TPTE2: variants seen among roughly 807,000 people sequenced by gnomAD.
TPTE2 encodes the protein phosphatidylinositol 3,4,5-trisphosphate 3-phosphatase TPTE2.
A neutral mutation model predicts 78.6 loss-of-function variants in TPTE2; 53 were observed. The observed-to-expected ratio is 0.67, with a 90% CI of 0.54 to 0.85. The LOEUF is 0.85. Among genes scored for constraint, TPTE2 ranks in the 40% least tolerant of loss-of-function variants. The probability of loss-of-function intolerance (pLI) is 0.00; values close to 1 mark genes in which losing one functional copy is unlikely to be tolerated. For synonymous variants in TPTE2, 175 were observed against 206.2 expected (o/e 0.85, Z 1.30); for missense variants, 461 against 623.0 (o/e 0.74, Z 2.77).
At chr13:19,558,376 T>C in the TPTE2 span, among the ~76,000 whole-genome samples, 1 of 152,214 alleles carries the variant, frequency 6.6e-6, no homozygotes, top group Non-Finnish European at 1.5e-5. Flanking sequence ...TATAAAGGCA[T>C]GAATTGTTTA....
At chr13:19,534,402 T>C (rs1871081574) in intron 1 of TPTE2, among the ~76,000 whole-genome samples, 1 of 152,184 alleles carries the variant, frequency 6.6e-6, no homozygotes, top group South Asian at 2.1e-4. Context: ...CTATGCCAGA[T>C]ACCATGCCTA....
chr13:19,448,629 T>C (rs374923321), intron 13 of TPTE2, among the ~76,000 whole-genome samples: 2 of 152,048 alleles, frequency 1.3e-5, no homozygotes, highest in East Asian at 3.9e-4. Flanking sequence ...TCCTCACACC[T>C]GTTAGGATGG....
intron 1 of TPTE2, among the ~76,000 whole-genome samples, chr13:19,534,415 G>A (rs1275380205): frequency 1.3e-5 from 2 of 152,088 alleles, no homozygotes; most frequent in African/African-American, 4.8e-5. Context: ...CATGCCTAAG[G>A]GTTTTCTAAC....
chr13:19,553,720 T>C, the TPTE2 span, among the ~76,000 whole-genome samples: 11 of 152,224 alleles, frequency 7.2e-5, no homozygotes, highest in Non-Finnish European at 1.3e-4. Context: ...GTGATTTCAG[T>C]TACGTACAAT....
intron 13 of TPTE2, among the ~76,000 whole-genome samples, chr13:19,442,840 A>G (rs1236231053): frequency 6.6e-6 from 1 of 152,146 alleles, no homozygotes; most frequent in African/African-American, 2.4e-5. Flanking sequence ...TAATCTACCA[A>G]AATGGGCAAA....
At chr13:19,464,416 T>C in intron 10 of TPTE2, 40 bp downstream of exon 13, 1 of 1,571,288 alleles carries the variant, frequency 6.4e-7, no homozygotes. Flanking sequence ...ACAGTCTACA[T>C]TCACTGAGAA....
the TPTE2 span, among the ~76,000 whole-genome samples, chr13:19,556,537 C>G: frequency 1.3e-5 from 2 of 152,012 alleles, no homozygotes; most frequent in South Asian, 2.1e-4. Flanking sequence ...ATTCTCCCCC[C>G]CACCTTTGAG....
At chr13:19,525,118 A>T (rs1487969444) in intron 1 of TPTE2, among the ~76,000 whole-genome samples, 1 of 152,172 alleles carries the variant, frequency 6.6e-6, no homozygotes, top group African/African-American at 2.4e-5. Flanking sequence ...AGCTTAGGTG[A>T]GAGATGTTGA....
At chr13:19,552,610 C>G in the TPTE2 span, 2 of 826,794 alleles carry the variant, frequency 2.4e-6, no homozygotes, top group Non-Finnish European at 3.8e-6. Flanking sequence ...AGTTTCCCCT[C>G]TTTTGTCCAC....
the TPTE2 span, among the ~76,000 whole-genome samples, chr13:19,543,458 A>G: frequency 3.3e-5 from 5 of 151,514 alleles, no homozygotes; most frequent in Non-Finnish European, 7.4e-5. Flanking sequence ...CCCGGGTTCA[A>G]GTGATCTCCT....
At chr13:19,490,430 C>A (rs1788636725) in intron 3 of TPTE2, among the ~76,000 whole-genome samples, 1 of 152,092 alleles carries the variant, frequency 6.6e-6, no homozygotes, top group East Asian at 1.9e-4. Flanking sequence ...TTTAATTTTT[C>A]TCTGGAAATG....
chr13:19,545,101 A>C, the TPTE2 span, among the ~76,000 whole-genome samples: 2 of 152,190 alleles, frequency 1.3e-5, no homozygotes, highest in Admixed American at 1.3e-4. Context: ...GATGAAAAGA[A>C]AAAGAACAGA....
At chr13:19,543,751 A>T in the TPTE2 span, among the ~76,000 whole-genome samples, 1 of 152,118 alleles carries the variant, frequency 6.6e-6, no homozygotes, top group South Asian at 2.1e-4. Context: ...AATTGTGAAA[A>T]ACGTTCAGGC....
chr13:19,494,822 C>A (rs775541784), intron 1 of TPTE2, among the ~76,000 whole-genome samples: 1 of 152,238 alleles, frequency 6.6e-6, no homozygotes, highest in African/African-American at 2.4e-5. Context: ...AGACACAATG[C>A]GTAATTCTAA....
chr13:19,557,560 T>C, the TPTE2 span, among the ~76,000 whole-genome samples: 1 of 152,212 alleles, frequency 6.6e-6, no homozygotes, highest in African/African-American at 2.4e-5. Context: ...TGCTTAGGAA[T>C]GTCCAGTATG....
intron 1 of TPTE2, chr13:19,536,576 T>C (rs985621065): frequency 6.6e-6 from 1 of 152,188 alleles, no homozygotes; most frequent in African/African-American, 2.4e-5. Flanking sequence ...TTATATTGCA[T>C]GTATTCTGCT....
the TPTE2 span, among the ~76,000 whole-genome samples, chr13:19,542,144 T>C: frequency 6.6e-6 from 1 of 152,210 alleles, no homozygotes; most frequent in Admixed American, 6.5e-5. Context: ...ACAACATCAA[T>C]AGTTATTCAC....
intron 3 of TPTE2, 99 bp downstream of exon 6, chr13:19,492,751 T>C (rs1328926142): frequency 2.0e-6 from 3 of 1,505,740 alleles, no homozygotes; most frequent in African/African-American, 2.7e-5. Context: ...AAAGTGTGTA[T>C]GGATGAAGAT....
At chr13:19,451,713 C>A (rs1349134148) in intron 10 of TPTE2, among the ~76,000 whole-genome samples, 4 of 151,684 alleles carry the variant, frequency 2.6e-5, no homozygotes, top group Non-Finnish European at 5.9e-5. Context: ...AAAAGATAAA[C>A]ATATCAAATT....
Sources: allele counts gnomAD v4.1 joint callset (sites outside exome capture counted in the v4.1 genomes callset), GRCh38; gene constraint gnomAD v4.1.1; transcripts MANE v1.5; gene names NCBI Gene and HGNC (gene_info 2026-07-23, HGNC 2026-07-21).